SMIM41: variants seen among roughly 807,000 people sequenced by gnomAD.
SMIM41 encodes the protein small integral membrane protein 41.
At chr12:52,088,524 T>C (rs1190416246) in intron 2 of SMIM41, among the ~76,000 whole-genome samples, 1 of 152,178 alleles carries the variant, frequency 6.6e-6, no homozygotes, top group African/African-American at 2.4e-5. Flanking sequence ...CCTGGCAGGT[T>C]CTGCATCTTA....
At chr12:52,099,555 C>T (rs1192721911) in intron 2 of SMIM41, among the ~76,000 whole-genome samples, 1 of 152,022 alleles carries the variant, frequency 6.6e-6, no homozygotes, top group Non-Finnish European at 1.5e-5. Flanking sequence ...AATATCCTCT[C>T]CTCCACGGTT....
At chr12:52,086,695 G>A (rs1402917038) in intron 2 of SMIM41, among the ~76,000 whole-genome samples, 2 of 152,148 alleles carry the variant, frequency 1.3e-5, no homozygotes, top group Non-Finnish European at 2.9e-5. Flanking sequence ...GAGAGGCTGT[G>A]CTTTATGGCC....
intron 2 of SMIM41, among the ~76,000 whole-genome samples, chr12:52,099,835 A>G (rs752198298): frequency 1.4e-4 from 21 of 152,036 alleles, no homozygotes; most frequent in African/African-American, 2.2e-4. Context: ...ACCTTCTGCG[A>G]TATTGGGAGT....
At chr12:52,087,757 T>C (rs1939913856) in intron 2 of SMIM41, 1 of 152,374 alleles carries the variant, frequency 6.6e-6, no homozygotes, top group East Asian at 1.9e-4. Flanking sequence ...TCAAATGAGA[T>C]GAAGGGCACC....
chr12:52,102,267 T>C (rs992501186), intron 2 of SMIM41, among the ~76,000 whole-genome samples: 24 of 152,260 alleles, frequency 1.6e-4, no homozygotes, highest in Non-Finnish European at 2.8e-4. Flanking sequence ...GTGCTAAAAG[T>C]ATAATATGCC....
intron 2 of SMIM41, among the ~76,000 whole-genome samples, chr12:52,102,119 G>T (rs11170002): frequency 0.035 from 5,315 of 152,264 alleles, 117 homozygotes; most frequent in Non-Finnish European, 0.054. Context: ...TGCTAAGAAA[G>T]TTCATTGGTG....
At chr12:52,085,369 G>T (rs1939878248) in intron 2 of SMIM41, among the ~76,000 whole-genome samples, 1 of 152,202 alleles carries the variant, frequency 6.6e-6, no homozygotes, top group Non-Finnish European at 1.5e-5. Context: ...GCCTGACAAG[G>T]CCCTGAACCT....
At chr12:52,096,367 G>A (rs1940094104) in intron 2 of SMIM41, among the ~76,000 whole-genome samples, 1 of 151,692 alleles carries the variant, frequency 6.6e-6, no homozygotes, top group Admixed American at 6.6e-5. Flanking sequence ...AATATCACCG[G>A]GTGGGTGTAC....
In SMIM41 at chr12:52,082,000, A is replaced by G. The variant is rs1343964195; in HGVS notation, c.*120+1819A>G. On this transcript the variant is annotated intron_variant, in intron 1 of 2. Coordinates refer to ENST00000546390, the MANE Select transcript of SMIM41 (RefSeq NM_001369216.1). This position sits in a 1 kb window ranked among gnomAD's most constrained non-coding sequence, Gnocchi z 4.1. ...TTGCGAATCAGGGATGGACCCCCAA[A>G]CCCCTGTGCCACTGCCCCCTTCCCA... is the stretch of plus-strand genomic sequence containing the variant. 1 of 151,456 alleles carries G rather than the reference A, an allele frequency of 6.6e-6. No homozygotes were observed. Among genetic ancestry groups the G allele is most frequent in the Non-Finnish European group, 1.5e-5 (1 of 67,934 alleles). The allele number at this position is 151,456 out of a possible 1,614,324, so 9.4% of individuals were successfully genotyped here.
chr12:52,103,767 T>TA (rs1174074912), intron 2 of SMIM41, among the ~76,000 whole-genome samples: 84 of 152,042 alleles, frequency 5.5e-4, no homozygotes, highest in African/African-American at 1.9e-3. Flanking sequence ...AATAAATAAA[T>TA]AAATAAATAA....
intron 2 of SMIM41, 114 bp from the exon 3 acceptor site, chr12:52,107,265 G>A: frequency 2.5e-6 from 1 of 400,362 alleles, no homozygotes; most frequent in Non-Finnish European, 5.0e-6. Flanking sequence ...CAGACACAAT[G>A]CTGGGTGTTG....
At chr12:52,096,805 G>A (rs190023853) in intron 2 of SMIM41, among the ~76,000 whole-genome samples, 5 of 151,612 alleles carry the variant, frequency 3.3e-5, no homozygotes, top group African/African-American at 9.7e-5. Flanking sequence ...ATTGCGATAC[G>A]TAATATTGCG....
At chr12:52,099,134 C>T (rs1222362188) in intron 2 of SMIM41, among the ~76,000 whole-genome samples, 2 of 151,948 alleles carry the variant, frequency 1.3e-5, no homozygotes, top group South Asian at 2.1e-4. Flanking sequence ...GTACCCCCTG[C>T]GATATTGGGA....
intron 2 of SMIM41, among the ~76,000 whole-genome samples, chr12:52,089,146 A>T (rs1939941728): frequency 1.3e-5 from 2 of 152,042 alleles, no homozygotes; most frequent in South Asian, 4.1e-4. Context: ...TACACAATTT[A>T]AAAATAGAGC....
chr12:52,093,446 A>G (rs1195475616), intron 2 of SMIM41: 3 of 152,014 alleles, frequency 2.0e-5, no homozygotes, highest in African/African-American at 7.3e-5. Flanking sequence ...CAGGTGGACT[A>G]TTTTGTTTGC....
intron 2 of SMIM41, chr12:52,092,388 T>C (rs999536051): frequency 1.2e-4 from 19 of 152,166 alleles, no homozygotes; most frequent in South Asian, 6.2e-4. Context: ...ACCAAGGCGG[T>C]GTTTCTTTCA....
chr12:52,106,463 C>A (rs1483207915), intron 2 of SMIM41, among the ~76,000 whole-genome samples: 1 of 152,216 alleles, frequency 6.6e-6, no homozygotes, highest in East Asian at 1.9e-4. Flanking sequence ...CTGCCTCAGC[C>A]TCCTGAGTAG....
At chr12:52,103,775 T>TAAAC (rs1448346394) in intron 2 of SMIM41, among the ~76,000 whole-genome samples, 1 of 151,922 alleles carries the variant, frequency 6.6e-6, no homozygotes, top group Non-Finnish European at 1.5e-5. Flanking sequence ...AATAAATAAA[T>TAAAC]AAACACGGTA....
At chr12:52,089,953 A>G (rs1939969314) in intron 2 of SMIM41, among the ~76,000 whole-genome samples, 2 of 152,260 alleles carry the variant, frequency 1.3e-5, no homozygotes, top group Admixed American at 6.5e-5. Flanking sequence ...GGGGGGACAC[A>G]GTTCAACCTA....
Sources: allele counts gnomAD v4.1 joint callset (sites outside exome capture counted in the v4.1 genomes callset), GRCh38; gene constraint gnomAD v4.1.1; non-coding constraint Gnocchi (gnomAD v3.1); transcripts MANE v1.5; gene names NCBI Gene and HGNC (gene_info 2026-07-23, HGNC 2026-07-21).